COBL: variants seen among roughly 807,000 people sequenced by gnomAD.
COBL encodes the protein protein cordon-bleu.
Under a neutral mutation model 98.8 loss-of-function variants are expected in COBL, and 51 were observed. The ratio of observed to expected loss-of-function variants is 0.52; its 90% CI spans 0.41 to 0.65. The LOEUF is 0.65. COBL is among the 30% of genes least tolerant of loss of function. The probability of loss-of-function intolerance (pLI) is 0.00; values close to 1 mark genes in which losing one functional copy is unlikely to be tolerated. For missense variants in COBL, 1,617 were observed against 1,617.5 expected (o/e 1.00, Z 0.01); for synonymous variants, 634 against 651.7 (o/e 0.97, Z 0.41).
chr7:51,184,310 G>T, intron 4 of COBL, 111 bp from the exon 5 acceptor site: 1 of 602,374 alleles, frequency 1.7e-6, no homozygotes, highest in African/African-American at 1.9e-5. Flanking sequence ...TTTAGTTCTT[G>T]TAAGAGAGGG....
chr7:51,018,324 C>A (rs570686186), intron 12 of COBL: 1 of 152,360 alleles, frequency 6.6e-6, no homozygotes, highest in Non-Finnish European at 1.5e-5. Flanking sequence ...CCTGTGCATG[C>A]TCTCTCACAC....
chr7:51,239,416 G>A (rs891256301), intron 1 of COBL, among the ~76,000 whole-genome samples: 3 of 152,134 alleles, frequency 2.0e-5, no homozygotes, highest in Non-Finnish European at 4.4e-5. Flanking sequence ...AAGTTACCCT[G>A]TATGTCAAAA....
Position 51,275,181 on chromosome 7 carries a change from C to T in COBL, c.41+41412G>A, listed in dbSNP as rs374967480. Among the ~76,000 whole-genome samples, 17 of 152,220 alleles carry T rather than the reference C, an allele frequency of 1.1e-4. No individual in the cohort carries two copies. The East Asian group carries it at 1.7e-3, about 16-fold the overall frequency. On this transcript the variant is annotated intron_variant, in intron 1 of 12. Coordinates refer to ENST00000265136, the MANE Select transcript of COBL (RefSeq NM_015198.5). ...ACATGAGAGAGAGGGGTCACCCCTGCGGGCTGGAGGGGAGAGGCCCAAGGG... is the reference window on the plus strand; with the variant it reads ...ACATGAGAGAGAGGGGTCACCCCTGTGGGCTGGAGGGGAGAGGCCCAAGGG...
At chr7:51,304,514 T>C (rs1010215903) in intron 1 of COBL, among the ~76,000 whole-genome samples, 2 of 152,214 alleles carry the variant, frequency 1.3e-5, no homozygotes, top group Non-Finnish European at 2.9e-5. Flanking sequence ...CTTCTGATCA[T>C]TAGAATCATT....
chr7:51,307,265 C>T (rs556194050), intron 1 of COBL, among the ~76,000 whole-genome samples: 1 of 152,270 alleles, frequency 6.6e-6, no homozygotes, highest in African/African-American at 2.4e-5. Context: ...AGGAGAATTG[C>T]TTGAACCTAG....
chr7:51,193,617 A>G (rs754626759), intron 2 of COBL, 28 bp from the exon 3 acceptor site: 4 of 1,599,380 alleles, frequency 2.5e-6, no homozygotes, highest in African/African-American at 2.7e-5. Context: ...AATCATGATT[A>G]TTAGGAATGA....
intron 7 of COBL, chr7:51,071,973 T>G (rs947722870): frequency 6.6e-6 from 1 of 152,152 alleles, no homozygotes; most frequent in African/African-American, 2.4e-5. Flanking sequence ...TCTGTAACTT[T>G]CTGTTTTTTT....
intron 1 of COBL, among the ~76,000 whole-genome samples, chr7:51,221,254 C>T (rs1472502273): frequency 6.6e-6 from 1 of 152,150 alleles, no homozygotes; most frequent in African/African-American, 2.4e-5. Context: ...ACCTTCACCT[C>T]TGCTCAGAGT....
At chr7:51,163,439 A>G (rs559316434) in intron 5 of COBL, among the ~76,000 whole-genome samples, 19 of 152,354 alleles carry the variant, frequency 1.2e-4, no homozygotes, top group Non-Finnish European at 2.5e-4. Context: ...TAGAACAGAC[A>G]GGACTGAAGC....
At chr7:51,142,675 C>A (rs540651095) in intron 5 of COBL, among the ~76,000 whole-genome samples, 8 of 152,228 alleles carry the variant, frequency 5.3e-5, no homozygotes, top group African/African-American at 1.9e-4. Flanking sequence ...TGAGCTACAG[C>A]GCCCGAGCTG....
intron 1 of COBL, among the ~76,000 whole-genome samples, chr7:51,252,781 G>T (rs186009796): frequency 2.2e-4 from 34 of 152,172 alleles, no homozygotes; most frequent in Admixed American, 1.2e-3. Context: ...CAATGTAATG[G>T]TTTTTTTCTC....
chr7:51,076,693 A>C (rs1418996568), intron 7 of COBL, among the ~76,000 whole-genome samples: 1 of 152,088 alleles, frequency 6.6e-6, no homozygotes, highest in African/African-American at 2.4e-5. Flanking sequence ...AATTAGCTAG[A>C]AATAGTATCC....
At chr7:51,223,781 C>A (rs879503314) in intron 1 of COBL, among the ~76,000 whole-genome samples, 3 of 152,198 alleles carry the variant, frequency 2.0e-5, no homozygotes, top group African/African-American at 4.8e-5. Flanking sequence ...TGGCTGGAAG[C>A]ACTTGGGGAG....
intron 9 of COBL, among the ~76,000 whole-genome samples, chr7:51,030,393 G>C (rs1253122648): frequency 6.6e-6 from 1 of 152,114 alleles, no homozygotes; most frequent in Non-Finnish European, 1.5e-5. Context: ...GCCATGAGAT[G>C]CTCCATTATA....
chr7:51,285,293 CAAAT>C (rs1436926784), intron 1 of COBL, among the ~76,000 whole-genome samples: 1 of 149,898 alleles, frequency 6.7e-6, no homozygotes, highest in East Asian at 2.0e-4. Flanking sequence ...AAGAGAAAAA[CAAAT>C]AAAAGGCATC....
chr7:51,287,379 T>C (rs1223694206), intron 1 of COBL, among the ~76,000 whole-genome samples: 1 of 152,096 alleles, frequency 6.6e-6, no homozygotes, highest in Non-Finnish European at 1.5e-5. Flanking sequence ...AATAAACACA[T>C]AAAGCTTCGC....
chr7:51,029,296 C>T lies in COBL; in HGVS notation c.1800G>A (p.Leu600=). ...TTCCGACGTCATGGGAAGCGGGGTG[C>T]AGGGCAGGTACTTCCTCCCTTGCCT... is the stretch of plus-strand genomic sequence containing the variant. The part of the protein sequence containing the change: ...HEKAREEVPA[L]HPASHDVGKG... Residue 600 remains leucine, a synonymous_variant, in exon 10 of 13, where the codon CTG becomes CTA. Transcript: ENST00000265136. 6.2e-7 allele frequency: 1 copy of T among 1,603,574 alleles called. No individual in the cohort carries two copies. The highest frequency in any genetic ancestry group is 8.5e-7 in the Non-Finnish European group (1 of 1,174,110).
intron 1 of COBL, among the ~76,000 whole-genome samples, chr7:51,257,575 T>C (rs1462193734): frequency 2.0e-5 from 3 of 152,338 alleles, no homozygotes; most frequent in East Asian, 3.9e-4. Context: ...TACACTTCAA[T>C]GTTTAGATTG....
chr7:51,275,232 A>G (rs1584377903), intron 1 of COBL, among the ~76,000 whole-genome samples: 2 of 152,312 alleles, frequency 1.3e-5, no homozygotes, highest in East Asian at 3.9e-4. Context: ...ACAGTTGCAC[A>G]GTGTCCAGGC....
Sources: gnomAD v4.1 joint callset for allele counts (sites outside exome capture counted in the v4.1 genomes callset) on GRCh38, gnomAD v4.1.1 for gene constraint, MANE v1.5 for transcripts, NCBI Gene and HGNC (gene_info 2026-07-23, HGNC 2026-07-21) for gene names.